The following TGIF1 variants were observed in gnomAD, a reference collection of about 807,000 sequenced individuals.
TGIF1 encodes TGFB induced factor homeobox 1, also known as homeobox protein TGIF1.
A neutral mutation model predicts 19.3 loss-of-function variants in TGIF1; 4 were observed. The observed-to-expected ratio is 0.21, with a 90% CI of 0.10 to 0.47. The LOEUF is 0.47. Among genes scored for constraint, TGIF1 ranks in the 20% least tolerant of loss-of-function variants. The pLI is 0.98. For missense variants in TGIF1, 275 were observed against 341.4 expected (o/e 0.81, Z 1.53); for synonymous variants, 122 against 129.3 (o/e 0.94, Z 0.38).
chr18:3,432,144 A>AAAAAAAAAAAAAAAAAAAAAAAG (rs199561203), intron 2 of TGIF1, among the ~76,000 whole-genome samples: 1 of 138,464 alleles, frequency 7.2e-6, no homozygotes, highest in African/African-American at 2.8e-5. Context: ...AAAAAAAAAA[A>AAAAAAAAAAAAAAAAAAAAAAAG]CACTAAGAAA....
At chr18:3,416,213 G>A (rs930846008) in intron 1 of TGIF1, among the ~76,000 whole-genome samples, 4 of 152,184 alleles carry the variant, frequency 2.6e-5, no homozygotes, top group South Asian at 4.1e-4. Flanking sequence ...AAGCTTGGAC[G>A]TTAGGTATAA....
chr18:3,442,238 T>C (rs1428176199), intron 2 of TGIF1, among the ~76,000 whole-genome samples: 1 of 152,118 alleles, frequency 6.6e-6, no homozygotes, highest in Non-Finnish European at 1.5e-5. Context: ...AGATATTTCA[T>C]CATTTTATTG....
intron 2 of TGIF1, among the ~76,000 whole-genome samples, chr18:3,425,777 C>T (rs1435426553): frequency 6.6e-6 from 1 of 152,102 alleles, no homozygotes; most frequent in Admixed American, 6.6e-5. Flanking sequence ...CTGTCTCCTG[C>T]GTGGTGCCAG....
intron 2 of TGIF1, among the ~76,000 whole-genome samples, chr18:3,431,553 T>A (rs79141518): frequency 6.6e-6 from 1 of 152,112 alleles, no homozygotes. Flanking sequence ...TCCATACTGA[T>A]ACAAATAAGC....
intron 2 of TGIF1, among the ~76,000 whole-genome samples, chr18:3,420,311 A>G (rs974331500): frequency 1.3e-5 from 2 of 152,108 alleles, no homozygotes; most frequent in Non-Finnish European, 2.9e-5. Context: ...TGAATCCAGG[A>G]GGTGGAGTTT....
At chr18:3,449,152 C>T (rs945577607), upstream of TGIF1, among the ~76,000 whole-genome samples, 2 of 152,140 alleles carry the variant, frequency 1.3e-5, no homozygotes, top group African/African-American at 2.4e-5. Context: ...TGGATCCCTC[C>T]TAACTGTGGA....
In TGIF1 at chr18:3,456,407, C is replaced by A. The variant is rs1427572371; in HGVS notation, c.70C>A (p.Pro24Thr). Residue 24 changes from proline (P) to threonine (T), a missense_variant, in exon 2 of 3, where the codon CCC (proline) becomes ACC (threonine). Transcript: ENST00000343820. The surrounding 1 kb of genome is among the most constrained non-coding windows in gnomAD (Gnocchi z 4.2). The part of the protein sequence containing the change: ...ETEDEDSMDI[P>T]LDLSSSAGSG... ...TGAGGATGAGGACAGCATGGACATT[C>A]CCTTGGACCTTTCTTCATCCGCTGG... is the stretch of plus-strand genomic sequence containing the variant. 2 of 1,614,220 alleles carry A rather than the reference C, an allele frequency of 1.2e-6. No homozygotes were observed. The highest frequency in any genetic ancestry group is 1.7e-6 in the Non-Finnish European group (2 of 1,180,050).
intron 1 of TGIF1, chr18:3,452,011 G>C (rs780014007): frequency 6.2e-7 from 1 of 1,607,480 alleles, no homozygotes; most frequent in African/African-American, 1.3e-5. Flanking sequence ...GTGTCTGCCG[G>C]GGTGGGCTCC....
chr18:3,432,681 A>G (rs1354972188), intron 2 of TGIF1, among the ~76,000 whole-genome samples: 1 of 152,160 alleles, frequency 6.6e-6, no homozygotes, highest in Non-Finnish European at 1.5e-5. Flanking sequence ...TATGGAAAAT[A>G]ATGGATCAAA....
At chr18:3,447,822 C>T, upstream of TGIF1, 1 of 1,613,958 alleles carries the variant, frequency 6.2e-7, no homozygotes, top group East Asian at 2.2e-5. Context: ...CCGTTTTTTC[C>T]TCCCCCTAAT....
At chr18:3,447,526 T>C, upstream of TGIF1, 1 of 649,968 alleles carries the variant, frequency 1.5e-6, no homozygotes. Flanking sequence ...TTTGAGGCTG[T>C]TCCCTTTGTT....
Position 3,451,322 on chromosome 18 carries a change from G to T in TGIF1, c.16+817G>T. ...TACAACTAAAACTTGCCGTCAGTTT[G>T]GTTTAAAAACAAAATACACCGGAGG... On this transcript the variant is annotated intron_variant, in intron 1 of 2. Transcript: ENST00000343820. This position sits in a 1 kb window ranked among gnomAD's most constrained non-coding sequence, Gnocchi z 5.4. 3 of 979,356 alleles carry T rather than the reference G, an allele frequency of 3.1e-6. No individual in the cohort carries two copies. Among genetic ancestry groups the T allele is most frequent in the Non-Finnish European group, 3.6e-6 (3 of 824,488 alleles). 60.7% of individuals were successfully genotyped at this position (979,356 alleles called of 1,614,324 possible).
At chr18:3,422,296 T>TAAAAA (rs34822467) in intron 2 of TGIF1, among the ~76,000 whole-genome samples, 8 of 80,422 alleles carry the variant, frequency 9.9e-5, no homozygotes, top group African/African-American at 2.5e-4. Context: ...GTTTAAAAAG[T>TAAAAA]AAAAAAAAAA....
chr18:3,448,583 GAA>G, upstream of TGIF1: 2 of 985,414 alleles, frequency 2.0e-6, no homozygotes, highest in Non-Finnish European at 2.4e-6. Flanking sequence ...AACCACAGAA[GAA>G]AAAAATCGTA....
chr18:3,449,909 G>C (rs2082844871), upstream of TGIF1: 1 of 985,722 alleles, frequency 1.0e-6, no homozygotes, highest in Non-Finnish European at 1.2e-6. Flanking sequence ...TGGGGCGCTC[G>C]GCTGGTGCCC....
chr18:3,421,240 C>T (rs1304306195), intron 2 of TGIF1, among the ~76,000 whole-genome samples: 8 of 147,578 alleles, frequency 5.4e-5, no homozygotes, highest in Non-Finnish European at 1.2e-4. Flanking sequence ...TATATATATA[C>T]ATTTATATAT....
Position 3,450,206 on chromosome 18 carries a change from A to T in TGIF1, c.-284A>T, listed in dbSNP as rs7233448. ...GCGCCGAGGTGCGCCGAGCAGGAGC[A>T]GGGAACAAAGGAGCGGAGAGGGGAG... On this transcript the variant is annotated 5_prime_UTR_variant, in exon 1 of 3. Coordinates refer to ENST00000343820, the MANE Select transcript of TGIF1 (RefSeq NM_003244.4). The T allele has an allele frequency of 5.0e-3, 6,916 of 1,378,062 alleles. 261 individuals are homozygous for T. In the African/African-American group the frequency reaches 0.086, roughly 17 times the overall value. 85.4% of individuals were successfully genotyped at this position (1,378,062 alleles called of 1,614,324 possible).
At chr18:3,428,430 T>C (rs2082501765) in intron 2 of TGIF1, among the ~76,000 whole-genome samples, 1 of 152,120 alleles carries the variant, frequency 6.6e-6, no homozygotes, top group African/African-American at 2.4e-5. Context: ...TAAAATTTTT[T>C]TTTTATTTTT....
chr18:3,453,436 C>T (rs1399136431), intron 1 of TGIF1, among the ~76,000 whole-genome samples: 2 of 152,000 alleles, frequency 1.3e-5, no homozygotes, highest in Non-Finnish European at 2.9e-5. Context: ...CCTGTAATCC[C>T]AGCACTTTGG....
Sources: gnomAD v4.1 joint callset for allele counts (sites outside exome capture counted in the v4.1 genomes callset) on GRCh38, gnomAD v4.1.1 for gene constraint, Gnocchi (gnomAD v3.1) non-coding constraint, MANE v1.5 for transcripts, NCBI Gene and HGNC (gene_info 2026-07-23, HGNC 2026-07-21) for gene names.